Variants in ARHGAP24 observed in about 807,000 individuals in gnomAD.
ARHGAP24 encodes rho GTPase-activating protein 24.
ARHGAP24 carries 50 observed loss-of-function variants against 76.4 expected under a neutral mutation model. That is an observed-to-expected ratio of 0.65 (90% confidence interval 0.52 to 0.83). The LOEUF (loss-of-function observed/expected upper bound fraction) is 0.83. Ranked by LOEUF, ARHGAP24 falls within the 40% of genes least tolerant of loss-of-function variation. The pLI is 0.00. For synonymous variants in ARHGAP24, 345 were observed against 323.3 expected, an observed-to-expected ratio of 1.07 and a Z score of -0.72; for missense variants, 930 against 914.2, an observed-to-expected ratio of 1.02 and a Z score of -0.22.
At chr4:85,726,894 C>A (rs776763677) in intron 3 of ARHGAP24, among the ~76,000 whole-genome samples, 1 of 152,114 alleles carries the variant, frequency 6.6e-6, no homozygotes, top group African/African-American at 2.4e-5. Context: ...CTGGGCCAGG[C>A]GCTGTGGCTC....
chr4:85,942,506 T>C, intron 5 of ARHGAP24: 1 of 504,680 alleles, frequency 2.0e-6, no homozygotes, highest in Non-Finnish European at 3.5e-6. Context: ...TTGTTCTTCT[T>C]CTTTGGTACT....
intron 1 of ARHGAP24, among the ~76,000 whole-genome samples, chr4:85,504,016 G>A (rs1393938218): frequency 6.6e-6 from 1 of 152,204 alleles, no homozygotes; most frequent in African/African-American, 2.4e-5. Flanking sequence ...TTTCCATGTA[G>A]TTGTGTGGTT....
intron 2 of ARHGAP24, among the ~76,000 whole-genome samples, chr4:85,604,586 TAG>T (rs1413267038): frequency 6.6e-6 from 1 of 152,168 alleles, no homozygotes; most frequent in Non-Finnish European, 1.5e-5. Flanking sequence ...CGTCTCACTT[TAG>T]AATTTATTTT....
chr4:85,680,941 T>C (rs1473591160), intron 2 of ARHGAP24, among the ~76,000 whole-genome samples: 1 of 151,960 alleles, frequency 6.6e-6, no homozygotes, highest in Non-Finnish European at 1.5e-5. Flanking sequence ...TTTCTGATGA[T>C]TTCCTAAAGT....
At chr4:85,653,559 T>C (rs67431978) in intron 2 of ARHGAP24, among the ~76,000 whole-genome samples, 55,151 of 151,904 alleles carry the variant, frequency 0.36, 11,107 homozygotes, top group East Asian at 0.84. Flanking sequence ...CTGCAATCTC[T>C]GCCTCCCAGA....
chr4:85,797,163 T>G (rs1014432134), intron 3 of ARHGAP24, among the ~76,000 whole-genome samples: 1 of 85,184 alleles, frequency 1.2e-5, no homozygotes. Flanking sequence ...TTTTTTTTGT[T>G]TTTTTTTTTG....
chr4:85,507,668 C>T (rs1724120067), intron 1 of ARHGAP24, among the ~76,000 whole-genome samples: 1 of 152,140 alleles, frequency 6.6e-6, no homozygotes, highest in South Asian at 2.1e-4. Context: ...AATGACTCCT[C>T]ACTTCTTCAC....
chr4:85,867,247 T>C (rs1296276320), intron 3 of ARHGAP24, among the ~76,000 whole-genome samples: 1 of 152,172 alleles, frequency 6.6e-6, no homozygotes, highest in East Asian at 1.9e-4. Context: ...TAAATGTTAA[T>C]GCTGATTGAA....
chr4:85,607,532 A>G (rs1720238748), intron 2 of ARHGAP24, among the ~76,000 whole-genome samples: 1 of 152,004 alleles, frequency 6.6e-6, no homozygotes, highest in South Asian at 2.1e-4. Context: ...CCCTAATATC[A>G]TTAATACATT....
intron 3 of ARHGAP24, among the ~76,000 whole-genome samples, chr4:85,813,353 G>T (rs1729092284): frequency 6.6e-6 from 1 of 152,128 alleles, no homozygotes; most frequent in South Asian, 2.1e-4. Context: ...GAGGGAAAAG[G>T]CCTAACTACC....
intron 3 of ARHGAP24, among the ~76,000 whole-genome samples, chr4:85,836,433 C>T (rs1183869432): frequency 6.6e-6 from 1 of 152,206 alleles, no homozygotes; most frequent in African/African-American, 2.4e-5. Context: ...GGTCTTTCTC[C>T]TACCTTCTGA....
chr4:85,687,957 A>G (rs1227864698), intron 2 of ARHGAP24, among the ~76,000 whole-genome samples: 1 of 151,972 alleles, frequency 6.6e-6, no homozygotes, highest in African/African-American at 2.4e-5. Context: ...GATTACAGGC[A>G]CCTGCCACCA....
intron 3 of ARHGAP24, among the ~76,000 whole-genome samples, chr4:85,880,721 G>T (rs1183606355): frequency 6.6e-6 from 1 of 152,118 alleles, no homozygotes; most frequent in African/African-American, 2.4e-5. Context: ...AGTAGAGACG[G>T]GGTTTCACCG....
At chr4:85,615,615 T>C (rs1483068448) in intron 2 of ARHGAP24, among the ~76,000 whole-genome samples, 1 of 152,142 alleles carries the variant, frequency 6.6e-6, no homozygotes, top group Non-Finnish European at 1.5e-5. Flanking sequence ...GATGTTATTT[T>C]TGGTAAGAAA....
intron 5 of ARHGAP24, among the ~76,000 whole-genome samples, chr4:85,942,739 A>G (rs1244645397): frequency 6.6e-6 from 1 of 152,116 alleles, no homozygotes; most frequent in Non-Finnish European, 1.5e-5. Context: ...ATAGTTTTAC[A>G]GGGAAACAAG....
At chr4:85,659,062 G>C (rs975228575) in intron 2 of ARHGAP24, among the ~76,000 whole-genome samples, 24 of 152,274 alleles carry the variant, frequency 1.6e-4, no homozygotes, top group African/African-American at 5.1e-4. Flanking sequence ...ATTTGACAAC[G>C]TCTGGAGACA....
At chr4:85,553,020 T>G (rs1246225390) in intron 1 of ARHGAP24, among the ~76,000 whole-genome samples, 3 of 152,130 alleles carry the variant, frequency 2.0e-5, no homozygotes, top group African/African-American at 7.2e-5. Flanking sequence ...CCAGAGTTGC[T>G]CATTCCTCCC....
At chr4:85,544,633 G>A (rs1008664431) in intron 1 of ARHGAP24, among the ~76,000 whole-genome samples, 16 of 151,870 alleles carry the variant, frequency 1.1e-4, no homozygotes, top group Non-Finnish European at 2.1e-4. Flanking sequence ...GTTTTTTCAG[G>A]AGTATTTGGA....
chr4:85,835,254 T>A (rs1437816583), intron 3 of ARHGAP24, among the ~76,000 whole-genome samples: 4 of 143,770 alleles, frequency 2.8e-5, no homozygotes, highest in Admixed American at 7.0e-5. Flanking sequence ...CAATGTAATT[T>A]AAAAAAAAAA....
Sources: gnomAD v4.1 joint callset for allele counts (sites outside exome capture counted in the v4.1 genomes callset) on GRCh38, gnomAD v4.1.1 for gene constraint, MANE v1.5 for transcripts, NCBI Gene and HGNC (gene_info 2026-07-23, HGNC 2026-07-21) for gene names.